The following CFAP410 variants were observed in gnomAD, a reference collection of about 807,000 sequenced individuals.
CFAP410 encodes cilia- and flagella-associated protein 410.
A neutral mutation model predicts 25.7 loss-of-function variants in CFAP410; 27 were observed. That is an observed-to-expected ratio of 1.05 (90% CI 0.77 to 1.45). The LOEUF (loss-of-function observed/expected upper bound fraction) is 1.45. CFAP410 is among the 40% of genes most tolerant of loss of function. CFAP410 has a pLI of 0.00. For synonymous variants in CFAP410, 178 were observed against 158.4 expected, an observed-to-expected ratio of 1.12 and a Z score of -0.93; for missense variants, 428 against 354.1, an observed-to-expected ratio of 1.21 and a Z score of -1.67.
In CFAP410 at chr21:44,339,183, C is replaced by T. The variant is rs1568994924; in HGVS notation, c.12G>A (p.Thr4=). The part of the protein sequence containing the change: MKL[T]RKMVLTRAKA... ...TGGCCCGGGTCAGAACCATCTTCCGCGTCAGCTTCATGGCGGCCGCCCAGG... is the reference window on the plus strand; with the variant it reads ...TGGCCCGGGTCAGAACCATCTTCCGTGTCAGCTTCATGGCGGCCGCCCAGG... Residue 4 remains threonine (T), a synonymous_variant, in exon 1 of 7, where the codon ACG becomes ACA. Coordinates refer to ENST00000339818, the MANE Select transcript of CFAP410 (RefSeq NM_004928.3). 1.4e-6 allele frequency: 2 copies of T among 1,467,482 alleles called. No individual in the cohort carries two copies. The highest frequency in any genetic ancestry group is 9.0e-7 in the Non-Finnish European group (1 of 1,105,420). 90.9% of individuals were successfully genotyped at this position (1,467,482 alleles called of 1,614,324 possible).
In CFAP410 at chr21:44,329,988, C is replaced by T. The variant is rs1313164357; in HGVS notation, c.*210G>A. On this transcript the variant is annotated 3_prime_UTR_variant, in exon 7 of 7. Transcript: ENST00000339818. ...AACCTCCAGACCACAGAAGGGGAGT[C>T]CTGGGGACAGGACTGGTGTAGACAG... The T allele has an allele frequency of 1.7e-6, 1 of 579,412 alleles. No individual in the cohort carries two copies. The highest frequency in any genetic ancestry group is 3.0e-6 in the Non-Finnish European group (1 of 330,486). 35.9% of individuals were successfully genotyped at this position (579,412 alleles called of 1,614,324 possible).
Position 44,329,278 on chromosome 21 carries a change from C to T in CFAP410, c.*920G>A, listed in dbSNP as rs924821412. 6.6e-6 allele frequency: 1 copy of T among 152,264 alleles called. No individual in the cohort carries two copies. Among genetic ancestry groups the T allele is most frequent in the African/African-American group, 2.4e-5 (1 of 41,448 alleles). The allele number at this position is 152,264 out of a possible 1,614,324, so 9.4% of individuals were successfully genotyped here. ...ACCGCTCGGCGGAGGATGGGAATAT[C>T]TCATGGAGATCTGGATCTCAACCCC... is the stretch of plus-strand genomic sequence containing the variant. On this transcript the variant is annotated 3_prime_UTR_variant, in exon 7 of 7. Transcript: ENST00000339818.
intron 5 of CFAP410, chr21:44,331,527 C>T (rs959299668): frequency 1.0e-5 from 4 of 387,384 alleles, no homozygotes; most frequent in Admixed American, 9.4e-5. Flanking sequence ...GCCACCCCCC[C>T]CACCAGGGGC....
At position 44,330,026 on chromosome 21, in the gene CFAP410, C is replaced by T. The variant is rs2047612351; in HGVS notation, c.*172G>A. On this transcript the variant is annotated 3_prime_UTR_variant, in exon 7 of 7. Coordinates refer to ENST00000339818, the MANE Select transcript of CFAP410 (RefSeq NM_004928.3). The stretch of plus-strand genomic sequence containing the variant: ...CTGGTGTAGACAGGCATCTCCACCG[C>T]CCCGGTTAGCCAGTACCTAACACCC... 1.5e-6 allele frequency: 1 copy of T among 683,250 alleles called. No homozygotes were observed. The highest frequency in any genetic ancestry group is 1.8e-5 in the African/African-American group (1 of 55,640). 42.3% of individuals were successfully genotyped at this position (683,250 alleles called of 1,614,324 possible).
At chr21:44,331,423 G>A (rs933930399) in intron 5 of CFAP410, 7 of 254,200 alleles carry the variant, frequency 2.8e-5, no homozygotes, top group African/African-American at 9.1e-5. Flanking sequence ...TCACTGCAGA[G>A]TCAGCCCTGT....
Position 44,329,866 on chromosome 21 carries a change from C to T in CFAP410, c.*332G>A, listed in dbSNP as rs2047608953. ...TTTCAGGAAGACTGTCACAACCATG[C>T]CTTGGGAAACGTCACCTCCAGATCA... On this transcript the variant is annotated 3_prime_UTR_variant, in exon 7 of 7. Coordinates refer to ENST00000339818, the MANE Select transcript of CFAP410 (RefSeq NM_004928.3). 1 of 272,482 alleles carries T rather than the reference C, an allele frequency of 3.7e-6. No homozygotes were observed. The allele number at this position is 272,482 out of a possible 1,614,324, so 16.9% of individuals were successfully genotyped here. A position where few individuals can be genotyped will look rare whatever the true frequency, so the allele number is the denominator to read the frequency against.
chr21:44,335,845 G>A (rs779185167), intron 2 of CFAP410, 41 bp from the exon 3 acceptor site: 107 of 1,502,488 alleles, frequency 7.1e-5, no homozygotes, highest in Middle Eastern at 1.7e-4. Flanking sequence ...TGGCACAGCA[G>A]GGCATCGCGG....
chr21:44,338,477 T>G (rs1288715694), intron 1 of CFAP410: 1 of 397,528 alleles, frequency 2.5e-6, no homozygotes, highest in Admixed American at 2.8e-5. Context: ...CCCACGTCCC[T>G]TCCTGTCACC....
Position 44,334,521 on chromosome 21 carries a change from C to CCCCTCAACCTCTGGGCGGGCATGCGCA in CFAP410, c.143+1236_143+1237insTGCGCATGCCCGCCCAGAGGTTGAGGG. 1.1e-5 allele frequency: 2 copies of CCCCTCAACCTCTGGGCGGGCATGCGCA among 174,472 alleles called. 1 individual carries two copies. The highest frequency in any genetic ancestry group is 5.4e-4 in the East Asian group (2 of 3,688). 10.8% of individuals were successfully genotyped at this position (174,472 alleles called of 1,614,324 possible). ...AACCTCTGGGCGGGCACGCGCACCCCCCCCCCCCCCCCGCTCAACCTCTGG... is the reference window on the plus strand; with the variant it reads ...AACCTCTGGGCGGGCACGCGCACCCCCCCTCAACCTCTGGGCGGGCATGCGCACCCCCCCCCCCCGCTCAACCTCTGG... On this transcript the variant is annotated intron_variant, in intron 3 of 6. Coordinates refer to ENST00000339818, the MANE Select transcript of CFAP410 (RefSeq NM_004928.3).
chr21:44,330,760 G>GA, intron 6 of CFAP410, 63 bp downstream of exon 6: 1 of 1,552,550 alleles, frequency 6.4e-7, no homozygotes, highest in Non-Finnish European at 8.7e-7. Context: ...CCCTCCCCAC[G>GA]GTTTCTGTGC....
chr21:44,338,265 A>T, intron 1 of CFAP410: 2 of 1,282,836 alleles, frequency 1.6e-6, no homozygotes, highest in Non-Finnish European at 1.0e-6. Context: ...CCTGGGAGGA[A>T]GCGTCTGCTC....
chr21:44,330,951 G>C, intron 5 of CFAP410, 32 bp from the exon 6 acceptor site: 6 of 1,529,274 alleles, frequency 3.9e-6, no homozygotes, highest in Non-Finnish European at 5.3e-6. Flanking sequence ...GTGAGGGTCA[G>C]GGGGCTCGTG....
chr21:44,333,229 G>A lies in CFAP410; in HGVS notation c.177C>T (p.Ser59=), dbSNP rs1057356386. ...ACAGCTCACTCAGGCGCTGGCACCGGCTCACAGGCTCCAGGGTGGAGATGC... is the reference window on the plus strand; with the variant it reads ...ACAGCTCACTCAGGCGCTGGCACCGACTCACAGGCTCCAGGGTGGAGATGC... The part of the protein sequence containing the change: ...VNSISTLEPV[S]RCQRLSELYL... The change falls in exon 4 of 7, where the codon AGC becomes AGT. Residue 59 remains serine (S), a synonymous_variant. Coordinates refer to ENST00000339818, the MANE Select transcript of CFAP410 (RefSeq NM_004928.3). The A allele has an allele frequency of 2.5e-6, 4 of 1,612,408 alleles. No homozygotes were observed. The African/African-American group carries it at 4.0e-5, about 16-fold the overall frequency.
At chr21:44,330,582 A>T in intron 6 of CFAP410, 1 of 1,549,828 alleles carries the variant, frequency 6.5e-7, no homozygotes, top group South Asian at 1.2e-5. Context: ...TCCACAGACC[A>T]GGACAGCAGG....
intron 6 of CFAP410, 34 bp from the exon 7 acceptor site, chr21:44,330,360 G>A (rs368748781): frequency 5.1e-5 from 82 of 1,592,914 alleles, no homozygotes; most frequent in South Asian, 3.3e-4. Flanking sequence ...AAGCCCACCC[G>A]GCACGGCGAG....
At position 44,335,945 on chromosome 21, in the gene CFAP410, C is replaced by T. The variant is rs552856457; in HGVS notation, c.97-141G>A. On this transcript the variant is annotated intron_variant, in intron 2 of 6. Transcript: ENST00000339818. The stretch of plus-strand genomic sequence containing the variant: ...GGCACGGCCTTACTCAGCCAGTGTG[C>T]CCAGGGTGAATGCCCAGGGCCTGAG... The T allele has an allele frequency of 5.1e-5, 34 of 660,228 alleles. 1 individual carries two copies. In the Admixed American group the frequency reaches 5.4e-4, roughly 11 times the overall value. The allele number at this position is 660,228 out of a possible 1,614,324, so 40.9% of individuals were successfully genotyped here.
Position 44,339,203 on chromosome 21 carries a change from C to T in CFAP410, c.-9G>A, listed in dbSNP as rs1439688000. On this transcript the variant is annotated 5_prime_UTR_variant, in exon 1 of 7. Transcript: ENST00000339818. ...TTCCGCGTCAGCTTCATGGCGGCCG[C>T]CCAGGCCCGACCGGCGGGCGCCCCC... 3 of 1,444,974 alleles carry T rather than the reference C, an allele frequency of 2.1e-6. No homozygotes were observed. The highest frequency in any genetic ancestry group is 3.1e-5 in the East Asian group (1 of 32,768). 89.5% of individuals were successfully genotyped at this position (1,444,974 alleles called of 1,614,324 possible). A position where few individuals can be genotyped will look rare whatever the true frequency, so the allele number is the denominator to read the frequency against.
chr21:44,337,713 A>G (rs1394366229), intron 1 of CFAP410, 46 bp from the exon 2 acceptor site: 2 of 1,562,448 alleles, frequency 1.3e-6, no homozygotes, highest in Non-Finnish European at 1.8e-6. Flanking sequence ...AAAGTTGAAT[A>G]AAAAACACTG....
At position 44,335,782 on chromosome 21, in the gene CFAP410, G is replaced by A. The variant is rs750561784; in HGVS notation, c.119C>T (p.Pro40Leu). Residue 40 changes from proline to leucine, a missense_variant, in exon 3 of 7, where the codon CCC (proline) becomes CTC (leucine). Physicochemically the swap from Pro to Leu is moderately conservative, Grantham distance 98 (BLOSUM62 -3). Coordinates refer to ENST00000339818, the MANE Select transcript of CFAP410 (RefSeq NM_004928.3). ...LTDISICQEMPSLEVITLSVN... is the reference protein window; with the variant it reads ...LTDISICQEMLSLEVITLSVN... ...CCTGAGCGTGATCACCTCCAGGCTG[G>A]GCATCTCCTGGCAAATGGAGATCTA... The A allele has an allele frequency of 7.3e-5, 116 of 1,592,188 alleles. No homozygotes were observed. The highest frequency in any genetic ancestry group is 9.7e-5 in the Non-Finnish European group (113 of 1,168,494).
Sources: gnomAD v4.1 joint callset for allele counts on GRCh38, gnomAD v4.1.1 for gene constraint, MANE v1.5 for transcripts, NCBI Gene and HGNC (gene_info 2026-07-23, HGNC 2026-07-21) for gene names.